PGCKA1: variants seen among roughly 807,000 people sequenced by gnomAD.
PGCKA1 encodes the protein PDCD10 and GCKIII kinases-associated protein 1.
chr4:37,527,384 C>G, the PGCKA1 span, among the ~76,000 whole-genome samples: 1 of 152,146 alleles, frequency 6.6e-6, no homozygotes, highest in Non-Finnish European at 1.5e-5. Flanking sequence ...CATATTCACT[C>G]AAACTCACTC....
chr4:37,538,067 T>TCACACA, the PGCKA1 span, among the ~76,000 whole-genome samples: 891 of 150,212 alleles, frequency 5.9e-3, 12 homozygotes, highest in African/African-American at 0.02. Context: ...CACAACCCTG[T>TCACACA]CACACACACA....
At chr4:37,559,996 C>G in the PGCKA1 span, among the ~76,000 whole-genome samples, 174 of 152,286 alleles carry the variant, frequency 1.1e-3, no homozygotes, top group African/African-American at 3.9e-3. Context: ...GTCCTTTTCC[C>G]TACTTGTTGC....
chr4:37,583,562 G>A, the PGCKA1 span, among the ~76,000 whole-genome samples: 7 of 151,948 alleles, frequency 4.6e-5, no homozygotes, highest in Non-Finnish European at 7.4e-5. Flanking sequence ...TCAGCCTCCC[G>A]AGTAGCTGGG....
the PGCKA1 span, among the ~76,000 whole-genome samples, chr4:37,500,192 G>C: frequency 6.6e-6 from 1 of 152,114 alleles, no homozygotes; most frequent in Admixed American, 6.5e-5. Context: ...CCAAAGTGCT[G>C]GGATTACAGG....
the PGCKA1 span, among the ~76,000 whole-genome samples, chr4:37,457,391 G>A: frequency 5.6e-3 from 855 of 152,296 alleles, 12 homozygotes; most frequent in African/African-American, 0.02. Context: ...TATTAGTGAC[G>A]TGTGAGAGGC....
At chr4:37,579,012 T>G in the PGCKA1 span, among the ~76,000 whole-genome samples, 1 of 151,884 alleles carries the variant, frequency 6.6e-6, no homozygotes, top group Non-Finnish European at 1.5e-5. Context: ...GAGCCGAGAT[T>G]GCGCCATTGC....
the PGCKA1 span, among the ~76,000 whole-genome samples, chr4:37,559,269 A>G: frequency 8.2e-6 from 1 of 121,632 alleles, no homozygotes; most frequent in African/African-American, 3.2e-5. Context: ...GCAGCCATAA[A>G]AAAGATGAGT....
the PGCKA1 span, among the ~76,000 whole-genome samples, chr4:37,466,048 A>G: frequency 6.6e-6 from 1 of 152,112 alleles, no homozygotes; most frequent in African/African-American, 2.4e-5. Context: ...CACATTGTTG[A>G]TGCAAGAGTG....
chr4:37,497,956 A>T, the PGCKA1 span, among the ~76,000 whole-genome samples: 1 of 152,114 alleles, frequency 6.6e-6, no homozygotes, highest in South Asian at 2.1e-4. Flanking sequence ...ATCCTTGCCT[A>T]AGCCAATGTC....
chr4:37,478,354 G>A, the PGCKA1 span, among the ~76,000 whole-genome samples: 1 of 152,100 alleles, frequency 6.6e-6, no homozygotes, highest in Non-Finnish European at 1.5e-5. Flanking sequence ...TAGGCCCGGA[G>A]CCAGTTCACT....
chr4:37,561,167 G>A, the PGCKA1 span, among the ~76,000 whole-genome samples: 1 of 152,130 alleles, frequency 6.6e-6, no homozygotes, highest in African/African-American at 2.4e-5. Context: ...TTTGATGGAA[G>A]ACTGTCTCCT....
the PGCKA1 span, among the ~76,000 whole-genome samples, chr4:37,519,189 A>G: frequency 6.6e-6 from 1 of 152,106 alleles, no homozygotes; most frequent in Non-Finnish European, 1.5e-5. Flanking sequence ...TAACTTGAAG[A>G]CAGGGAATAT....
At chr4:37,477,537 A>G in the PGCKA1 span, among the ~76,000 whole-genome samples, 28 of 152,230 alleles carry the variant, frequency 1.8e-4, no homozygotes, top group Admixed American at 1.8e-3. Flanking sequence ...AAATGGGTGA[A>G]TTATAAGGCA....
At chr4:37,508,039 T>C in the PGCKA1 span, among the ~76,000 whole-genome samples, 1 of 152,200 alleles carries the variant, frequency 6.6e-6, no homozygotes, top group South Asian at 2.1e-4. Context: ...CTGAAAAGTC[T>C]ACTGCTAGAT....
the PGCKA1 span, among the ~76,000 whole-genome samples, chr4:37,504,648 T>C: frequency 6.6e-6 from 1 of 152,294 alleles, no homozygotes; most frequent in East Asian, 1.9e-4. Flanking sequence ...TTCACTTCTT[T>C]GGCTAATTCC....
chr4:37,543,577 C>G, the PGCKA1 span, among the ~76,000 whole-genome samples: 719 of 152,004 alleles, frequency 4.7e-3, 5 homozygotes, highest in Middle Eastern at 0.048. Flanking sequence ...CGCGGTGGCT[C>G]ACACCTATAA....
At chr4:37,518,323 T>A in the PGCKA1 span, among the ~76,000 whole-genome samples, 1 of 152,240 alleles carries the variant, frequency 6.6e-6, no homozygotes, top group African/African-American at 2.4e-5. Context: ...TAGCTCAATT[T>A]GTAGTTCATT....
chr4:37,454,005 C>CCCGCCGCCGCCGCCGCCG, the PGCKA1 span: 4 of 158,710 alleles, frequency 2.5e-5, no homozygotes, highest in African/African-American at 7.3e-5. Context: ...GCGCCGGGAC[C>CCCGCCGCCGCCGCCGCCG]CCGCCGCCGC....
chr4:37,481,521 C>CAGCAGGTT, the PGCKA1 span, among the ~76,000 whole-genome samples: 9 of 130,544 alleles, frequency 6.9e-5, no homozygotes, highest in Admixed American at 1.6e-4. Flanking sequence ...ATCAAGGTAT[C>CAGCAGGTT]AGCAGGTTTG....
Sources: gnomAD v4.1 joint callset for allele counts (sites outside exome capture counted in the v4.1 genomes callset) on GRCh38, gnomAD v4.1.1 for gene constraint, MANE v1.5 for transcripts, NCBI Gene and HGNC (gene_info 2026-07-23, HGNC 2026-07-21) for gene names.